The following NRG1 variants were observed in gnomAD, a reference collection of about 807,000 sequenced individuals.
The protein encoded by NRG1 is neuregulin 1, also known as pro-neuregulin-1, membrane-bound isoform.
Under a neutral mutation model 63.8 loss-of-function variants are expected in NRG1, and 18 were observed. The ratio of observed to expected loss-of-function variants is 0.28; its 90% CI spans 0.19 to 0.42. The LOEUF is 0.42. Ranked by LOEUF, NRG1 falls within the 10% of genes least tolerant of loss-of-function variation. The probability of loss-of-function intolerance (pLI) is 1.00; values close to 1 mark genes in which losing one functional copy is unlikely to be tolerated. For missense variants in NRG1, 762 were observed against 814.7 expected (o/e 0.94, Z 0.79); for synonymous variants, 302 against 301.3 (o/e 1.00, Z -0.02).
intron 1 of NRG1, among the ~76,000 whole-genome samples, chr8:31,875,939 T>G (rs775777080): frequency 9.9e-5 from 15 of 152,112 alleles, no homozygotes; most frequent in South Asian, 2.1e-4. Flanking sequence ...CCTAGGTTTG[T>G]GTTCTGGGAA....
chr8:31,974,359 A>G (rs7012294), intron 1 of NRG1, among the ~76,000 whole-genome samples: 6,640 of 152,054 alleles, frequency 0.044, 463 homozygotes, highest in African/African-American at 0.15. Context: ...CTGTAGAGAT[A>G]GTATTTACCT....
At chr8:32,770,310 G>T (rs550560748), downstream of NRG1, among the ~76,000 whole-genome samples, 166 of 152,244 alleles carry the variant, frequency 1.1e-3, no homozygotes, top group South Asian at 2.7e-3. Context: ...GGTAAGTGAT[G>T]AGGAAAATTT....
intron 1 of NRG1, among the ~76,000 whole-genome samples, chr8:31,978,416 C>T (rs1220459170): frequency 2.0e-5 from 3 of 152,112 alleles, no homozygotes; most frequent in Non-Finnish European, 4.4e-5. Flanking sequence ...TCTCACAATG[C>T]AGATTCACAG....
At chr8:31,894,360 T>G (rs776373) in intron 1 of NRG1, among the ~76,000 whole-genome samples, 78,842 of 151,216 alleles carry the variant, frequency 0.52, 21,197 homozygotes, top group East Asian at 0.75. Context: ...TCAGATGATA[T>G]AATTCTATGC....
chr8:32,114,754 C>G (rs913579866), intron 1 of NRG1, among the ~76,000 whole-genome samples: 1 of 152,164 alleles, frequency 6.6e-6, no homozygotes, highest in South Asian at 2.1e-4. Flanking sequence ...AGTCAGAGAG[C>G]CCAGAACTCT....
chr8:32,368,958 C>T (rs1265595310), intron 1 of NRG1, among the ~76,000 whole-genome samples: 2 of 152,234 alleles, frequency 1.3e-5, no homozygotes, highest in African/African-American at 4.8e-5. Context: ...CTGTAACATG[C>T]ATGTACACCT....
intron 1 of NRG1, among the ~76,000 whole-genome samples, chr8:31,981,033 AT>A (rs1411609223): frequency 6.6e-6 from 1 of 152,028 alleles, no homozygotes; most frequent in Non-Finnish European, 1.5e-5. Context: ...CCCAGAAGAT[AT>A]TTATGTCTTG....
chr8:31,851,867 T>G (rs1430623075), intron 1 of NRG1, among the ~76,000 whole-genome samples: 9 of 151,028 alleles, frequency 6.0e-5, no homozygotes, highest in African/African-American at 2.2e-4. Flanking sequence ...TGTCTGGTTT[T>G]TTGTTCTTGC....
chr8:32,093,996 G>T (rs963976265), intron 1 of NRG1, among the ~76,000 whole-genome samples: 2 of 152,166 alleles, frequency 1.3e-5, no homozygotes, highest in African/African-American at 2.4e-5. Flanking sequence ...TTGGCTGATG[G>T]TTCCTGAGGA....
intron 1 of NRG1, among the ~76,000 whole-genome samples, chr8:31,868,452 G>A (rs188824247): frequency 4.6e-4 from 70 of 152,238 alleles, no homozygotes; most frequent in African/African-American, 1.4e-3. Context: ...CTCTGATTGC[G>A]TAGTAATTCA....
chr8:31,797,646 G>A (rs1467691022), intron 1 of NRG1, among the ~76,000 whole-genome samples: 1 of 152,190 alleles, frequency 6.6e-6, no homozygotes, highest in African/African-American at 2.4e-5. Context: ...GGATATTGAA[G>A]AGATGTCTCC....
At position 32,760,171 on chromosome 8, in the gene NRG1, T is replaced by C. The variant is rs756080419; in HGVS notation, c.1053-29T>C. On this transcript the variant is annotated intron_variant, in intron 10 of 11. Transcript: ENST00000356819. ...TTGCATATAATTTTTGCACGAAATATCTGATTGTCTCTCCCATTTCCTCCG... is the reference window on the plus strand; with the variant it reads ...TTGCATATAATTTTTGCACGAAATACCTGATTGTCTCTCCCATTTCCTCCG... The C allele has an allele frequency of 1.9e-6, 3 of 1,612,240 alleles. No individual in the cohort carries two copies. The African/African-American group carries it at 4.0e-5, about 22-fold the overall frequency.
intron 1 of NRG1, among the ~76,000 whole-genome samples, chr8:31,943,813 A>C (rs778541452): frequency 5.9e-5 from 9 of 152,312 alleles, no homozygotes; most frequent in Non-Finnish European, 1.2e-4. Flanking sequence ...ATAAAAAGAC[A>C]TCCACAGGGA....
intron 1 of NRG1, among the ~76,000 whole-genome samples, chr8:31,772,229 G>T (rs1057169668): frequency 6.6e-6 from 1 of 152,060 alleles, no homozygotes; most frequent in Non-Finnish European, 1.5e-5. Context: ...TTCTTTAAAT[G>T]ATTTTCTGTG....
At chr8:32,637,953 G>A (rs1263063142) in intron 5 of NRG1, among the ~76,000 whole-genome samples, 1 of 152,168 alleles carries the variant, frequency 6.6e-6, no homozygotes, top group Non-Finnish European at 1.5e-5. Flanking sequence ...AATGGTCCAG[G>A]GAAACAGTCA....
At chr8:31,803,169 A>T (rs896557215) in intron 1 of NRG1, among the ~76,000 whole-genome samples, 1 of 152,360 alleles carries the variant, frequency 6.6e-6, no homozygotes. Flanking sequence ...GAAATAAAGC[A>T]GGGAGTATAA....
intron 1 of NRG1, among the ~76,000 whole-genome samples, chr8:32,566,089 C>G (rs1458614968): frequency 1.3e-5 from 2 of 152,114 alleles, no homozygotes; most frequent in African/African-American, 4.8e-5. Flanking sequence ...CACGGTGGCT[C>G]ATGCCTGTAA....
intron 1 of NRG1, among the ~76,000 whole-genome samples, chr8:32,370,907 C>T (rs1456816669): frequency 6.9e-6 from 1 of 144,688 alleles, no homozygotes; most frequent in East Asian, 2.2e-4. Context: ...ACAAAACTGT[C>T]TCATGATGAA....
intron 1 of NRG1, chr8:31,639,750 C>CTT (rs527318845): frequency 2.5e-4 from 289 of 1,177,898 alleles, no homozygotes; most frequent in East Asian, 6.2e-4. Context: ...TCTATTTTGC[C>CTT]TTTTTTTTTT....
Sources: allele counts gnomAD v4.1 joint callset (sites outside exome capture counted in the v4.1 genomes callset), GRCh38; gene constraint gnomAD v4.1.1; transcripts MANE v1.5; gene names NCBI Gene and HGNC (gene_info 2026-07-23, HGNC 2026-07-21).